ROBO2: variants seen among roughly 807,000 people sequenced by gnomAD.
ROBO2 encodes the protein roundabout homolog 2.
A neutral mutation model predicts 160.8 loss-of-function variants in ROBO2; 53 were observed. The observed-to-expected ratio is 0.33, with a 90% CI of 0.26 to 0.41. ROBO2 has a LOEUF of 0.41. Among genes scored for constraint, ROBO2 ranks in the 10% least tolerant of loss-of-function variants. The pLI, the probability that ROBO2 is intolerant of heterozygous loss-of-function variation, is 1.00. For synonymous variants in ROBO2, 664 were observed against 611.7 expected (o/e 1.09, Z -1.26); for missense variants, 1,577 against 1,722.4 (o/e 0.92, Z 1.49).
intron 2 of ROBO2, among the ~76,000 whole-genome samples, chr3:77,442,924 C>T (rs1291658814): frequency 6.6e-6 from 1 of 152,112 alleles, no homozygotes; most frequent in Non-Finnish European, 1.5e-5. Context: ...AGAGTGGACT[C>T]CAACCTCTGC....
At chr3:76,939,762 C>A (rs572078271) in intron 2 of ROBO2, among the ~76,000 whole-genome samples, 1 of 151,966 alleles carries the variant, frequency 6.6e-6, no homozygotes, top group Non-Finnish European at 1.5e-5. Context: ...CAAGCCTGGG[C>A]CACGGAGCAA....
chr3:77,327,129 A>G (rs1057195313), intron 2 of ROBO2, among the ~76,000 whole-genome samples: 1 of 152,224 alleles, frequency 6.6e-6, no homozygotes, highest in South Asian at 2.1e-4. Flanking sequence ...ATGTTGTTCT[A>G]TATAAAATTT....
intron 2 of ROBO2, among the ~76,000 whole-genome samples, chr3:77,191,805 C>A (rs773518693): frequency 6.6e-6 from 1 of 152,166 alleles, no homozygotes; most frequent in Non-Finnish European, 1.5e-5. Context: ...ACACAAAATG[C>A]ATCTTAGTTT....
intron 2 of ROBO2, among the ~76,000 whole-genome samples, chr3:76,022,734 A>G (rs891327584): frequency 1.3e-5 from 2 of 151,708 alleles, no homozygotes; most frequent in African/African-American, 4.8e-5. Flanking sequence ...GGCACAGTAG[A>G]TTTAGCATAA....
chr3:76,909,852 C>T (rs1046005442), intron 2 of ROBO2, among the ~76,000 whole-genome samples: 9 of 152,146 alleles, frequency 5.9e-5, no homozygotes, highest in Non-Finnish European at 1.3e-4. Flanking sequence ...ATTTCTTCTC[C>T]TTGTCATAAA....
At chr3:76,673,695 G>A (rs2092329798) in intron 2 of ROBO2, among the ~76,000 whole-genome samples, 1 of 151,942 alleles carries the variant, frequency 6.6e-6, no homozygotes, top group East Asian at 1.9e-4. Flanking sequence ...ATCATTATAA[G>A]TTTCTAGGAC....
At chr3:76,768,044 A>G (rs2061669524) in intron 2 of ROBO2, among the ~76,000 whole-genome samples, 2 of 151,532 alleles carry the variant, frequency 1.3e-5, no homozygotes, top group African/African-American at 2.4e-5. Context: ...CACTGATACA[A>G]TAGGCATTGA....
At chr3:76,046,538 C>T (rs2067456623) in intron 2 of ROBO2, among the ~76,000 whole-genome samples, 1 of 151,852 alleles carries the variant, frequency 6.6e-6, no homozygotes, top group South Asian at 2.1e-4. Flanking sequence ...GTCCCAGCTA[C>T]TCGGGAGGCT....
chr3:76,637,712 A>G (rs775824110), intron 2 of ROBO2, among the ~76,000 whole-genome samples: 4 of 152,194 alleles, frequency 2.6e-5, no homozygotes, highest in Non-Finnish European at 4.4e-5. Flanking sequence ...AATAGAAGAT[A>G]TTTGGTTATT....
intron 2 of ROBO2, among the ~76,000 whole-genome samples, chr3:76,113,018 T>A (rs1007708306): frequency 1.5e-4 from 23 of 152,128 alleles, no homozygotes; most frequent in African/African-American, 5.5e-4. Flanking sequence ...GTTGACACAA[T>A]TAGCTTTTAT....
chr3:75,982,160 A>T (rs1281596643), intron 2 of ROBO2, among the ~76,000 whole-genome samples: 1 of 151,396 alleles, frequency 6.6e-6, no homozygotes, highest in Non-Finnish European at 1.5e-5. Context: ...CATTTTCTTT[A>T]TCCGTTCTTC....
At chr3:76,406,176 T>C (rs1054206500) in intron 2 of ROBO2, among the ~76,000 whole-genome samples, 4 of 151,954 alleles carry the variant, frequency 2.6e-5, no homozygotes, top group African/African-American at 7.2e-5. Flanking sequence ...GCATTAATTT[T>C]CCCTTTATTG....
At chr3:76,483,320 T>TTC (rs11456829) in intron 2 of ROBO2, among the ~76,000 whole-genome samples, 1 of 151,760 alleles carries the variant, frequency 6.6e-6, no homozygotes, top group East Asian at 1.9e-4. Flanking sequence ...ATTTTTTTTT[T>TTC]CAATTTCAAC....
chr3:76,446,757 C>T (rs62263793), intron 2 of ROBO2, among the ~76,000 whole-genome samples: 3,225 of 152,250 alleles, frequency 0.021, 45 homozygotes, highest in Non-Finnish European at 0.03. Context: ...ACCATCTGAT[C>T]TTTGACATAC....
chr3:76,678,795 G>C (rs969217994), intron 2 of ROBO2, among the ~76,000 whole-genome samples: 2 of 152,082 alleles, frequency 1.3e-5, no homozygotes, highest in Non-Finnish European at 2.9e-5. Flanking sequence ...CAATTTCTCT[G>C]TGCATTAGTT....
chr3:76,032,170 G>A (rs2066944610), intron 2 of ROBO2, among the ~76,000 whole-genome samples: 1 of 152,092 alleles, frequency 6.6e-6, no homozygotes, highest in African/African-American at 2.4e-5. Context: ...TTCTCTGATG[G>A]TAGTTTGTAT....
At chr3:76,292,098 T>C (rs539837093) in intron 2 of ROBO2, among the ~76,000 whole-genome samples, 3 of 152,178 alleles carry the variant, frequency 2.0e-5, no homozygotes, top group Non-Finnish European at 2.9e-5. Flanking sequence ...TCTAATGTCG[T>C]CGGTAGATTA....
intron 2 of ROBO2, among the ~76,000 whole-genome samples, chr3:77,433,337 C>T (rs1327451239): frequency 2.0e-5 from 3 of 151,404 alleles, no homozygotes; most frequent in African/African-American, 4.9e-5. Flanking sequence ...GTTTCCCATC[C>T]GTCCTAAACT....
chr3:77,629,619 A>ATGCTTTGGT, intron 23 of ROBO2: 1 of 152,322 alleles, frequency 6.6e-6, no homozygotes, highest in Middle Eastern at 3.4e-3. Flanking sequence ...ATATTCAAGT[A>ATGCTTTGGT]TATCAAAGCA....
Sources: gnomAD v4.1 joint callset for allele counts (sites outside exome capture counted in the v4.1 genomes callset) on GRCh38, gnomAD v4.1.1 for gene constraint, MANE v1.5 for transcripts, NCBI Gene and HGNC (gene_info 2026-07-23, HGNC 2026-07-21) for gene names.